The following MGAT4B variants were observed in gnomAD, a reference collection of about 807,000 sequenced individuals.
MGAT4B encodes N-acetylglucosaminyltransferase IVb.
A neutral mutation model predicts 73.9 loss-of-function variants in MGAT4B; 38 were observed. That is an observed-to-expected ratio of 0.51 (90% CI 0.40 to 0.67). The LOEUF is 0.67. Among genes scored for constraint, MGAT4B ranks in the 30% least tolerant of loss-of-function variants. The pLI is 0.00. For missense variants in MGAT4B, 686 were observed against 735.2 expected (o/e 0.93, Z 0.77); for synonymous variants, 373 against 313.5 (o/e 1.19, Z -2.01).
intron 8 of MGAT4B, 129 bp from the exon 9 acceptor site, chr5:179,799,765 G>A (rs571155879): frequency 1.4e-6 from 2 of 1,417,670 alleles, no homozygotes; most frequent in South Asian, 2.5e-5. Flanking sequence ...GGGCAGGGAG[G>A]CAGACAGGTG....
chr5:179,798,328 TC>T lies in MGAT4B; in HGVS notation c.1510+18del. 6.2e-7 allele frequency: 1 copy of T among 1,612,888 alleles called. No individual in the cohort carries two copies. The highest frequency in any genetic ancestry group is 1.6e-4 in the Middle Eastern group (1 of 6,062). On this transcript the variant is annotated intron_variant, in intron 13 of 14. Transcript: ENST00000292591. ...TGTCCCTGAACCCCAGCCCACGCTC[TC>T]CCCCAAACCCTACCCACCGATCTGG...
At chr5:179,799,881 A>C in intron 8 of MGAT4B, 73 bp downstream of exon 8, 1 of 1,429,830 alleles carries the variant, frequency 7.0e-7, no homozygotes, top group Non-Finnish European at 9.8e-7. Context: ...CAGTGGACAC[A>C]GTGGGACTGG....
chr5:179,804,271 C>T (rs1757053628), intron 1 of MGAT4B, among the ~76,000 whole-genome samples: 2 of 152,244 alleles, frequency 1.3e-5, no homozygotes, highest in South Asian at 2.1e-4. Flanking sequence ...GGCCCGTTAA[C>T]GGTCTGCTGT....
chr5:179,799,337 G>T (rs763211448), intron 9 of MGAT4B, 27 bp from the exon 10 acceptor site: 40 of 1,609,602 alleles, frequency 2.5e-5, no homozygotes, highest in Non-Finnish European at 3.3e-5. Context: ...ACACCCCAGG[G>T]CTCGGCTTAG....
chr5:179,799,636 C>T lies in MGAT4B; in HGVS notation c.911G>A (p.Gly304Asp). The T allele has an allele frequency of 1.9e-6, 3 of 1,613,628 alleles. No homozygotes were observed. Among genetic ancestry groups the T allele is most frequent in the Non-Finnish European group, 2.5e-6 (3 of 1,180,018 alleles). Residue 304 changes from glycine to aspartate, a missense_variant and splice_region_variant, in exon 9 of 15, where the codon GGT becomes GAT. This residue lies in a region of MGAT4B where 449 missense variants were observed against 536.8 expected (regional missense o/e 0.84). Transcript: ENST00000292591. ...CAGGTCCAGCGACTTGAACATCTTA[C>T]CTGGTGGGGAGGGGCCTGAGTGGGC... ...ILEFSQLGFIGKMFKSLDLSL... is the reference protein window; with the variant it reads ...ILEFSQLGFIDKMFKSLDLSL...
rs1756905391 is a variant in MGAT4B at position 179,801,138 on chromosome 5, C to T, written c.559-185G>A. On this transcript the variant is annotated intron_variant, in intron 4 of 14. Coordinates refer to ENST00000292591, the MANE Select transcript of MGAT4B (RefSeq NM_014275.5). The surrounding 1 kb of genome is among the most constrained non-coding windows in gnomAD (Gnocchi z 4.8). ...CCTTTGGGACTCGCATGGCCAAGGACTAGGGGGTGGCGGGGGCGATGGGTA... is the reference window on the plus strand; with the variant it reads ...CCTTTGGGACTCGCATGGCCAAGGATTAGGGGGTGGCGGGGGCGATGGGTA... 1.8e-6 allele frequency: 2 copies of T among 1,142,512 alleles called. No homozygotes were observed. The highest frequency in any genetic ancestry group is 2.4e-5 in the Admixed American group (1 of 41,556). The allele number at this position is 1,142,512 out of a possible 1,614,324, so 70.8% of individuals were successfully genotyped here. A position where few individuals can be genotyped will look rare whatever the true frequency, so the allele number is the denominator to read the frequency against.
At chr5:179,804,848 C>T (rs1238161803) in intron 1 of MGAT4B, 5 of 152,238 alleles carry the variant, frequency 3.3e-5, no homozygotes, top group African/African-American at 9.7e-5. Flanking sequence ...CCCAGCTTCT[C>T]TTGAGGCCTC....
intron 1 of MGAT4B, among the ~76,000 whole-genome samples, chr5:179,805,559 C>T (rs1430342925): frequency 6.6e-6 from 1 of 152,236 alleles, no homozygotes; most frequent in Non-Finnish European, 1.5e-5. Flanking sequence ...TGGCAGAGCT[C>T]GGCGTGGGTA....
At chr5:179,803,593 C>T (rs1185066850) in intron 1 of MGAT4B, 9 of 152,200 alleles carry the variant, frequency 5.9e-5, no homozygotes, top group East Asian at 1.9e-4. Flanking sequence ...ACCCCCACCC[C>T]CGAGCCCCAC....
rs1756956303 is a variant in MGAT4B at position 179,801,818 on chromosome 5, G to A, written c.249C>T (p.Asp83=). ...RAVSERQALR[D]GDGNRTWGRL... is the part of the protein sequence containing the mutation. ...GGCCCCAGGTGCGATTGCCGTCTCCGTCTCGCAGCGCCTGCCTTTCTGACA... is the reference window on the plus strand; with the variant it reads ...GGCCCCAGGTGCGATTGCCGTCTCCATCTCGCAGCGCCTGCCTTTCTGACA... The change falls in exon 2 of 15, where the codon GAC becomes GAT. Residue 83 remains aspartate, a synonymous_variant. Transcript: ENST00000292591. This position sits in a 1 kb window ranked among gnomAD's most constrained non-coding sequence, Gnocchi z 4.8. The A allele has an allele frequency of 4.4e-6, 7 of 1,598,222 alleles. No homozygotes were observed. The highest frequency in any genetic ancestry group is 1.3e-5 in the African/African-American group (1 of 74,302).
Position 179,800,290 on chromosome 5 carries a change from A to G in MGAT4B, c.720-31T>C, listed in dbSNP as rs760612546. ...GGCCGGGGCGGGGCCTCAGAAGTTCAGACCCCTCCACCTCCATTGTGGCTC... is the reference window on the plus strand; with the variant it reads ...GGCCGGGGCGGGGCCTCAGAAGTTCGGACCCCTCCACCTCCATTGTGGCTC... On this transcript the variant is annotated intron_variant, in intron 6 of 14. Transcript: ENST00000292591. The G allele has an allele frequency of 2.5e-6, 4 of 1,610,500 alleles. No homozygotes were observed. In the East Asian group the frequency reaches 8.9e-5, roughly 36 times the overall value.
At chr5:179,798,803 T>G in intron 11 of MGAT4B, 125 bp downstream of exon 11, 1 of 1,212,124 alleles carries the variant, frequency 8.2e-7, no homozygotes, top group African/African-American at 1.5e-5. Flanking sequence ...ACAAGGTAGC[T>G]ACCATTACGA....
At position 179,806,631 on chromosome 5, in the gene MGAT4B, C is replaced by A; in HGVS notation, c.-48G>T. ...CCCGCGGGGCCGAGGCTGCATGGCC[C>A]GGGGGACCGGGGCCGGGGCGCAGGG... is the stretch of plus-strand genomic sequence containing the variant. On this transcript the variant is annotated 5_prime_UTR_variant, in exon 1 of 15. Transcript: ENST00000292591. The surrounding 1 kb of genome is among the most constrained non-coding windows in gnomAD (Gnocchi z 4.6). The A allele has an allele frequency of 9.6e-7, 1 of 1,041,956 alleles. No homozygotes were observed. The highest frequency in any genetic ancestry group is 1.2e-6 in the Non-Finnish European group (1 of 835,540). 64.5% of individuals were successfully genotyped at this position (1,041,956 alleles called of 1,614,324 possible).
intron 9 of MGAT4B, 30 bp from the exon 10 acceptor site, chr5:179,799,340 C>G: frequency 6.2e-7 from 1 of 1,608,438 alleles, no homozygotes; most frequent in Non-Finnish European, 8.5e-7. Flanking sequence ...CCCCAGGGCT[C>G]GGCTTAGCCC....
Position 179,800,893 on chromosome 5 carries a change from T to C in MGAT4B, c.605+14A>G, listed in dbSNP as rs748231892. On this transcript the variant is annotated intron_variant, in intron 5 of 14. Transcript: ENST00000292591. ...CTCTCCCGCCACCAGCTCTCTGGGGTCGCCAGTACTCACAAGGCCTTGATG... is the reference window on the plus strand; with the variant it reads ...CTCTCCCGCCACCAGCTCTCTGGGGCCGCCAGTACTCACAAGGCCTTGATG... The C allele has an allele frequency of 3.1e-6, 5 of 1,612,520 alleles. No homozygotes were observed. The South Asian group carries it at 4.4e-5, about 14-fold the overall frequency.
At position 179,806,543 on chromosome 5, in the gene MGAT4B, A is replaced by G; in HGVS notation, c.41T>C (p.Phe14Ser). Residue 14 changes from phenylalanine to serine, a missense_variant, in exon 1 of 15, where the codon TTC becomes TCC. This residue lies in a region of MGAT4B where 237 missense variants were observed against 198.5 expected (regional missense o/e 1.19). Transcript: ENST00000292591. This position sits in a 1 kb window ranked among gnomAD's most constrained non-coding sequence, Gnocchi z 4.6. ...CAGCGAGAGGAAGGCGCACAGGCAG[A>G]AGAGCAGCAGCGTCAGGAAGGTGCC... Reference protein sequence around the residue: ...RNGTFLTLLLFCLCAFLSLSW... With the variant: ...RNGTFLTLLLSCLCAFLSLSW... 1 of 1,333,044 alleles carries G rather than the reference A, an allele frequency of 7.5e-7. No homozygotes were observed. Among genetic ancestry groups the G allele is most frequent in the Non-Finnish European group, 9.8e-7 (1 of 1,016,094 alleles). The allele number at this position is 1,333,044 out of a possible 1,614,324, so 82.6% of individuals were successfully genotyped here.
Position 179,799,035 on chromosome 5 carries a change from G to A in MGAT4B, c.1236C>T (p.His412=). The A allele has an allele frequency of 6.2e-7, 1 of 1,613,998 alleles. No individual in the cohort carries two copies. The highest frequency in any genetic ancestry group is 8.5e-7 in the Non-Finnish European group (1 of 1,180,036). ...GCAGGTAGGCTTTCTCCAGGGTGAA[G>A]TGCTGGTATGTCTTCAGGCTCGTGC... ...EVSTSLKTYQ[H]FTLEKAYLRE... Residue 412 remains histidine (H), a synonymous_variant, in exon 11 of 15, where the codon CAC becomes CAT. Coordinates refer to ENST00000292591, the MANE Select transcript of MGAT4B (RefSeq NM_014275.5).
chr5:179,798,323 C>T (rs937298997), intron 13 of MGAT4B, 24 bp downstream of exon 13: 9 of 1,612,806 alleles, frequency 5.6e-6, no homozygotes, highest in South Asian at 2.2e-5. Context: ...CCCCAGCCCA[C>T]GCTCTCCCCC....
In MGAT4B at chr5:179,798,353, G is replaced by C; in HGVS notation, c.1504C>G (p.Gln502Glu). The C allele has an allele frequency of 6.2e-7, 1 of 1,613,078 alleles. No homozygotes were observed. The highest frequency in any genetic ancestry group is 1.7e-5 in the Admixed American group (1 of 60,032). The change falls in exon 13 of 15, where the codon CAG (glutamine) becomes GAG (glutamate). Residue 502 changes from glutamine (Q) to glutamate (E), a missense_variant. Gln to Glu is a conservative substitution (Grantham distance 29, BLOSUM62 2). Transcript: ENST00000292591. ...TCCCCCAAACCCTACCCACCGATCT[G>C]GAGGTAGCCGTCGGGGCTCCGAGGG... is the stretch of plus-strand genomic sequence containing the variant. ...RYPRSPDGYL[Q>E]IGSFYKGVAE...
Sources: allele counts gnomAD v4.1 joint callset (sites outside exome capture counted in the v4.1 genomes callset), GRCh38; gene constraint gnomAD v4.1.1; regional missense constraint gnomAD v4.1.1; non-coding constraint Gnocchi (gnomAD v3.1); transcripts MANE v1.5; gene names NCBI Gene and HGNC (gene_info 2026-07-23, HGNC 2026-07-21).